TRPV5: variants seen among roughly 807,000 people sequenced by gnomAD.
TRPV5 encodes transient receptor potential cation channel subfamily V member 5.
In TRPV5, 66 loss-of-function variants were observed where a neutral mutation model predicts 74.1. The observed-to-expected ratio is 0.89, with a 90% CI of 0.73 to 1.09. The LOEUF (loss-of-function observed/expected upper bound fraction) is 1.09, where lower values mean the gene tolerates loss of function less well. Ranked by LOEUF, TRPV5 falls within the 50% of genes least tolerant of loss-of-function variation. The pLI is 0.00. For synonymous variants in TRPV5, 399 were observed against 360.7 expected (o/e 1.11, Z -1.20); for missense variants, 936 against 930.4 (o/e 1.01, Z -0.08).
chr7:142,918,262 A>G (rs1387206241), intron 8 of TRPV5, among the ~76,000 whole-genome samples: 1 of 152,174 alleles, frequency 6.6e-6, no homozygotes, highest in Non-Finnish European at 1.5e-5. Context: ...ACAACTCTCT[A>G]GATTTAGGGT....
In TRPV5 at chr7:142,928,182, G is replaced by A; in HGVS notation, c.815C>T (p.Pro272Leu). Reference sequence around the variant, plus strand: ...GAGGTCGTAGAGAATGGAGGTCAGGGGTCCATACGTCCACTGGATGTGCCT... The same window carrying A: ...GAGGTCGTAGAGAATGGAGGTCAGGAGTCCATACGTCCACTGGATGTGCCT... ...KRRHIQWTYG[P>L]LTSILYDLTE... The change falls in exon 7 of 15, where the codon CCC becomes CTC. Residue 272 changes from proline (P) to leucine (L), a missense_variant. Pro to Leu is a moderately conservative substitution (Grantham distance 98, BLOSUM62 -3). Coordinates refer to ENST00000265310, the MANE Select transcript of TRPV5 (RefSeq NM_019841.7). The A allele has an allele frequency of 1.2e-6, 2 of 1,614,052 alleles. No homozygotes were observed. The highest frequency in any genetic ancestry group is 1.7e-4 in the Middle Eastern group (1 of 6,060).
chr7:142,925,634 G>A lies in TRPV5; in HGVS notation c.1017C>T (p.Tyr339=), dbSNP rs769971744. The A allele has an allele frequency of 1.2e-6, 2 of 1,614,206 alleles. No homozygotes were observed. The highest frequency in any genetic ancestry group is 1.7e-5 in the Admixed American group (1 of 60,028). Residue 339 remains tyrosine (Y), a synonymous_variant, in exon 8 of 15, where the codon TAC becomes TAT. Transcript: ENST00000265310. ...FCILAALYLL[Y]MICFTTCCVY... is the part of the protein sequence containing the mutation. ...CGCAGCACGTAGTAAAGCAGATCAT[G>A]TAGAGCAGGTACAAGGCAGCCAGGA...
Position 142,908,730 on chromosome 7 carries a change from A to G in TRPV5, c.1974T>C (p.Asp658=), listed in dbSNP as rs367577121. 18 of 1,614,176 alleles carry G rather than the reference A, an allele frequency of 1.1e-5. No homozygotes were observed. The highest frequency in any genetic ancestry group is 1.5e-5 in the Non-Finnish European group (18 of 1,180,034). ...GTTTCTCAGATGGATGCTCCTGGTC[A>G]TCCTCCTTGTCTGAGTTCTTGAACA... is the stretch of plus-strand genomic sequence containing the variant. ...VEVFKNSDKE[D]DQEHPSEKQP... Residue 658 remains aspartate, a synonymous_variant, in exon 15 of 15, where the codon GAT becomes GAC. Coordinates refer to ENST00000265310, the MANE Select transcript of TRPV5 (RefSeq NM_019841.7).
chr7:142,910,508 G>C (rs949247481), intron 13 of TRPV5, among the ~76,000 whole-genome samples: 1 of 152,182 alleles, frequency 6.6e-6, no homozygotes, highest in Non-Finnish European at 1.5e-5. Flanking sequence ...AAGAAACCAT[G>C]ATCTATTAGA....
chr7:142,915,352 C>T lies in TRPV5; in HGVS notation c.1241G>A (p.Arg414His), dbSNP rs150345829. The T allele has an allele frequency of 1.3e-3, 2,110 of 1,606,684 alleles. 1 individual carries two copies. The highest frequency in any genetic ancestry group is 1.6e-3 in the Non-Finnish European group (1,920 of 1,178,208). ...CCCAAGAATCGTCTTTCCAAAATAG[C>T]GAGAGGCACCAACCCTGAAGATGTC... Reference protein sequence around the residue: ...IPDIFRVGASRYFGKTILGGP... With the variant: ...IPDIFRVGASHYFGKTILGGP... Residue 414 changes from arginine to histidine, a missense_variant, in exon 10 of 15, where the codon CGC (arginine) becomes CAC (histidine). Arg to His is a conservative substitution (Grantham distance 29). Coordinates refer to ENST00000265310, the MANE Select transcript of TRPV5 (RefSeq NM_019841.7).
chr7:142,925,660 T>A lies in TRPV5; in HGVS notation c.991A>T (p.Ile331Phe). The part of the protein sequence containing the change: ...WNKYGRPYFC[I>F]LAALYLLYMI... ...TAGAGCAGGTACAAGGCAGCCAGGA[T>A]GCAGAAGTACGGCCGGCCATACTTG... The change falls in exon 8 of 15, where the codon ATC (isoleucine) becomes TTC (phenylalanine). Residue 331 changes from isoleucine (I) to phenylalanine (F), a missense_variant. Coordinates refer to ENST00000265310, the MANE Select transcript of TRPV5 (RefSeq NM_019841.7). 6.2e-7 allele frequency: 1 copy of A among 1,614,198 alleles called. No individual in the cohort carries two copies. The highest frequency in any genetic ancestry group is 1.6e-4 in the Middle Eastern group (1 of 6,062).
At chr7:142,928,502 G>A (rs926117669) in intron 6 of TRPV5, among the ~76,000 whole-genome samples, 189 bp downstream of exon 6, 3 of 152,196 alleles carry the variant, frequency 2.0e-5, no homozygotes, top group Non-Finnish European at 4.4e-5. Context: ...AAATCCTCTT[G>A]AGTCAAGGAC....
At chr7:142,915,647 A>C (rs1308047898) in intron 8 of TRPV5, 79 bp from the exon 9 acceptor site, 2 of 1,417,408 alleles carry the variant, frequency 1.4e-6, no homozygotes, top group African/African-American at 2.8e-5. Flanking sequence ...AAAGCTGCTA[A>C]AGCCCATCCA....
At chr7:142,928,612 A>C in intron 6 of TRPV5, 79 bp downstream of exon 6, 2 of 1,500,418 alleles carry the variant, frequency 1.3e-6, no homozygotes, top group Non-Finnish European at 8.9e-7. Flanking sequence ...TGGGCCCTTC[A>C]CCTCTATTTC....
chr7:142,932,856 C>G (rs1368576302), intron 1 of TRPV5, among the ~76,000 whole-genome samples: 1 of 152,210 alleles, frequency 6.6e-6, no homozygotes, highest in Non-Finnish European at 1.5e-5. Flanking sequence ...GTCACCTGAG[C>G]TGCCCTCCTC....
At chr7:142,928,988 G>A in intron 5 of TRPV5, 34 bp downstream of exon 5, 1 of 1,613,350 alleles carries the variant, frequency 6.2e-7, no homozygotes, top group Non-Finnish European at 8.5e-7. Flanking sequence ...GCTCCCCACA[G>A]CATCCCAGCT....
Position 142,924,455 on chromosome 7 carries a change from G to A in TRPV5, c.1122+1074C>T, listed in dbSNP as rs555672560. The stretch of plus-strand genomic sequence containing the variant: ...AGGAGAGATGGAGTGTCTCTACCTA[G>A]CATAGGGTTCATTTGGGCTCTTTGC... On this transcript the variant is annotated intron_variant, in intron 8 of 14. Coordinates refer to ENST00000265310, the MANE Select transcript of TRPV5 (RefSeq NM_019841.7). Among the ~76,000 whole-genome samples, 4 of 149,576 alleles carry A rather than the reference G, an allele frequency of 2.7e-5. No individual in the cohort carries two copies. In the South Asian group the frequency reaches 8.5e-4, roughly 32 times the overall value.
At chr7:142,908,845 G>A (rs4252508) in intron 14 of TRPV5, 37 bp from the exon 15 acceptor site, 3 of 1,585,666 alleles carry the variant, frequency 1.9e-6, no homozygotes, top group Non-Finnish European at 2.6e-6. Context: ...CAATCCAGGT[G>A]GGGAGACATG....
chr7:142,911,996 G>A (rs985063414), intron 13 of TRPV5, among the ~76,000 whole-genome samples: 4 of 152,142 alleles, frequency 2.6e-5, no homozygotes, highest in Admixed American at 1.3e-4. Context: ...GTACTAATCA[G>A]CATTAGAGAA....
chr7:142,918,825 C>T (rs1277177725), intron 8 of TRPV5, among the ~76,000 whole-genome samples: 1 of 152,176 alleles, frequency 6.6e-6, no homozygotes, highest in East Asian at 1.9e-4. Flanking sequence ...ATTTGTAAGT[C>T]ATGAGCACGA....
At chr7:142,927,505 G>C (rs1192539635) in intron 7 of TRPV5, among the ~76,000 whole-genome samples, 1 of 152,162 alleles carries the variant, frequency 6.6e-6, no homozygotes, top group Non-Finnish European at 1.5e-5. Flanking sequence ...AGGCTGTACA[G>C]GTTCTGGAGA....
chr7:142,915,429 C>T (rs373946740), intron 9 of TRPV5, 46 bp from the exon 10 acceptor site: 1 of 1,610,108 alleles, frequency 6.2e-7, no homozygotes. Flanking sequence ...GACTGCGGTA[C>T]AGTCTGGGCC....
chr7:142,912,807 A>G lies in TRPV5; in HGVS notation c.1520-57T>C, dbSNP rs1795723241. 6 of 1,574,366 alleles carry G rather than the reference A, an allele frequency of 3.8e-6. No individual in the cohort carries two copies. The East Asian group carries it at 1.4e-4, about 35-fold the overall frequency. ...GGATAATGGAGTTATCACAATAAGC[A>G]TGGACATGGTTAGCACTTATTCTAT... On this transcript the variant is annotated intron_variant, in intron 12 of 14. Coordinates refer to ENST00000265310, the MANE Select transcript of TRPV5 (RefSeq NM_019841.7).
chr7:142,924,345 T>TATATATATACAC (rs1795942861), intron 8 of TRPV5, among the ~76,000 whole-genome samples: 2 of 10,934 alleles, frequency 1.8e-4, no homozygotes, highest in African/African-American at 3.6e-4. Flanking sequence ...TACATATATA[T>TATATATATACAC]ATATATAGAC....
Sources: allele counts gnomAD v4.1 joint callset (sites outside exome capture counted in the v4.1 genomes callset), GRCh38; gene constraint gnomAD v4.1.1; transcripts MANE v1.5; gene names NCBI Gene and HGNC (gene_info 2026-07-23, HGNC 2026-07-21).